GRID2: variants seen among roughly 807,000 people sequenced by gnomAD.
GRID2 encodes glutamate ionotropic receptor delta type subunit 2.
In GRID2, 33 loss-of-function variants were observed where a neutral mutation model predicts 114.8. The observed-to-expected ratio is 0.29, with a 90% CI of 0.22 to 0.38. The LOEUF is 0.38. Among genes scored for constraint, GRID2 ranks in the 10% least tolerant of loss-of-function variants. GRID2 has a pLI of 1.00. For synonymous variants in GRID2, 505 were observed against 449.9 expected, an observed-to-expected ratio of 1.12 and a Z score of -1.55; for missense variants, 1,184 against 1,257.7, an observed-to-expected ratio of 0.94 and a Z score of 0.89.
At chr4:92,963,076 A>C (rs746696113) in intron 2 of GRID2, among the ~76,000 whole-genome samples, 2 of 152,020 alleles carry the variant, frequency 1.3e-5, no homozygotes, top group Non-Finnish European at 1.5e-5. Context: ...GAATACCTTA[A>C]TTTAAAATAC....
intron 2 of GRID2, among the ~76,000 whole-genome samples, chr4:92,962,887 T>C (rs1246500549): frequency 3.3e-5 from 5 of 151,938 alleles, no homozygotes; most frequent in African/African-American, 1.2e-4. Context: ...CAATTCTCCT[T>C]ACAGGCGTAT....
At chr4:93,144,826 A>G (rs1736062065) in intron 4 of GRID2, among the ~76,000 whole-genome samples, 1 of 152,182 alleles carries the variant, frequency 6.6e-6, no homozygotes, top group African/African-American at 2.4e-5. Flanking sequence ...AAAGTCCAAA[A>G]TGATACATTT....
intron 2 of GRID2, among the ~76,000 whole-genome samples, 191 bp from the exon 3 acceptor site, chr4:93,084,804 A>T (rs1224311620): frequency 6.6e-6 from 1 of 152,226 alleles, no homozygotes; most frequent in African/African-American, 2.4e-5. Context: ...CGCATAGATA[A>T]TAAGAGCAGA....
intron 8 of GRID2, among the ~76,000 whole-genome samples, chr4:93,376,343 G>A (rs953384722): frequency 6.6e-6 from 1 of 152,052 alleles, no homozygotes. Context: ...GCTGAATTAG[G>A]TCAATCTTCT....
chr4:92,580,556 G>A (rs900613668), intron 1 of GRID2, among the ~76,000 whole-genome samples: 1 of 151,864 alleles, frequency 6.6e-6, no homozygotes, highest in South Asian at 2.1e-4. Flanking sequence ...TCAAAGTAGA[G>A]TAAATTTTTG....
intron 14 of GRID2, among the ~76,000 whole-genome samples, chr4:93,723,868 A>G (rs1729606994): frequency 6.6e-6 from 1 of 152,214 alleles, no homozygotes; most frequent in Non-Finnish European, 1.5e-5. Flanking sequence ...TAGTAAAATA[A>G]CAAACTGGTA....
chr4:92,323,134 A>T (rs182766040), intron 1 of GRID2, among the ~76,000 whole-genome samples: 27 of 152,200 alleles, frequency 1.8e-4, no homozygotes, highest in African/African-American at 6.5e-4. Flanking sequence ...TACCAAAAAG[A>T]TTAAAATTTG....
chr4:92,495,580 T>C (rs1448008332), intron 1 of GRID2, among the ~76,000 whole-genome samples: 1 of 151,880 alleles, frequency 6.6e-6, no homozygotes, highest in East Asian at 1.9e-4. Flanking sequence ...AACAGAAATG[T>C]AGGCAAGATT....
At chr4:93,058,500 G>A (rs1485107356) in intron 2 of GRID2, among the ~76,000 whole-genome samples, 5 of 151,982 alleles carry the variant, frequency 3.3e-5, no homozygotes, top group African/African-American at 1.2e-4. Flanking sequence ...AAGAGGCAAT[G>A]AGTTTGCCAA....
At chr4:93,802,101 T>G (rs1315448736) in intron 1 of GRID2, among the ~76,000 whole-genome samples, 1 of 152,242 alleles carries the variant, frequency 6.6e-6, no homozygotes, top group Non-Finnish European at 1.5e-5. Flanking sequence ...TGTTTCCGAT[T>G]CCTGGGAAGT....
Position 92,537,449 on chromosome 4 carries a change from T to A in GRID2, c.89-52682T>A, listed in dbSNP as rs556740695. ...CCTTTAGCTACAGTGGTAAAATAGA[T>A]TTATAATTACCAATCTTCAATTATG... On this transcript the variant is annotated intron_variant, in intron 1 of 15. Coordinates refer to ENST00000282020, the MANE Select transcript of GRID2 (RefSeq NM_001510.4). 2.0e-5 allele frequency among the ~76,000 whole-genome samples: 3 copies of A among 152,272 alleles called. No individual in the cohort carries two copies. The South Asian group carries it at 6.2e-4, about 32-fold the overall frequency.
Position 93,656,183 on chromosome 4 carries a change from A to G in GRID2, c.2360+29748A>G, listed in dbSNP as rs544266477. 4.6e-5 allele frequency among the ~76,000 whole-genome samples: 7 copies of G among 152,038 alleles called. No homozygotes were observed. In the East Asian group the frequency reaches 1.4e-3, roughly 29 times the overall value. ...GAGTCAATTATTTTTTCTGAGAAAAAAATAATTGTTTACTGGAGTCAGTAG... is the reference window on the plus strand; with the variant it reads ...GAGTCAATTATTTTTTCTGAGAAAAGAATAATTGTTTACTGGAGTCAGTAG... On this transcript the variant is annotated intron_variant, in intron 14 of 15. Coordinates refer to ENST00000282020, the MANE Select transcript of GRID2 (RefSeq NM_001510.4).
intron 6 of GRID2, among the ~76,000 whole-genome samples, chr4:93,220,583 T>C (rs1164214575): frequency 6.6e-6 from 1 of 152,182 alleles, no homozygotes; most frequent in Non-Finnish European, 1.5e-5. Flanking sequence ...CAAACAAAAT[T>C]GATATCTAAA....
At chr4:92,430,506 A>C (rs998180968) in intron 1 of GRID2, among the ~76,000 whole-genome samples, 1 of 152,004 alleles carries the variant, frequency 6.6e-6, no homozygotes, top group African/African-American at 2.4e-5. Context: ...TTCCAGTTAC[A>C]ATAGCTCTGT....
At chr4:92,831,690 C>CA (rs1742113198) in intron 2 of GRID2, among the ~76,000 whole-genome samples, 1 of 151,866 alleles carries the variant, frequency 6.6e-6, no homozygotes, top group Non-Finnish European at 1.5e-5. Context: ...GCTGTCTCTA[C>CA]AAAAAATTAA....
At chr4:93,460,513 T>C (rs940659504) in intron 11 of GRID2, among the ~76,000 whole-genome samples, 1 of 152,182 alleles carries the variant, frequency 6.6e-6, no homozygotes, top group East Asian at 1.9e-4. Flanking sequence ...TTTCCTGGGA[T>C]TGAGAACCAT....
chr4:92,901,999 CTTTG>C (rs1428286607), intron 2 of GRID2, among the ~76,000 whole-genome samples: 2 of 151,928 alleles, frequency 1.3e-5, no homozygotes, highest in Non-Finnish European at 2.9e-5. Flanking sequence ...TGTTCCTGGG[CTTTG>C]TTTGTTTGTT....
chr4:93,537,966 A>G (rs1317763337), intron 13 of GRID2, among the ~76,000 whole-genome samples: 1 of 151,768 alleles, frequency 6.6e-6, no homozygotes, highest in Non-Finnish European at 1.5e-5. Context: ...AGGCTACATA[A>G]GGTTTTCTAT....
intron 2 of GRID2, among the ~76,000 whole-genome samples, chr4:92,786,530 A>T (rs1739329568): frequency 6.6e-6 from 1 of 151,868 alleles, no homozygotes. Context: ...ATTGGGAAGA[A>T]AGAAAGAAAG....
Sources: gnomAD v4.1 joint callset for allele counts (sites outside exome capture counted in the v4.1 genomes callset) on GRCh38, gnomAD v4.1.1 for gene constraint, MANE v1.5 for transcripts, NCBI Gene and HGNC (gene_info 2026-07-23, HGNC 2026-07-21) for gene names.